The following NFATC2 variants were observed in gnomAD, a reference collection of about 807,000 sequenced individuals.
NFATC2 encodes the protein nuclear factor of activated T-cells, cytoplasmic 2.
In NFATC2, 22 loss-of-function variants were observed where a neutral mutation model predicts 87.3. That is an observed-to-expected ratio of 0.25 (90% confidence interval 0.18 to 0.36). The LOEUF (loss-of-function observed/expected upper bound fraction) is 0.36. NFATC2 is among the 10% of genes least tolerant of loss of function. The probability of loss-of-function intolerance (pLI) is 1.00; values close to 1 mark genes in which losing one functional copy is unlikely to be tolerated. For synonymous variants in NFATC2, 565 were observed against 542.2 expected, an observed-to-expected ratio of 1.04 and a Z score of -0.58; for missense variants, 1,149 against 1,259.1, an observed-to-expected ratio of 0.91 and a Z score of 1.32.
rs3029278 is a variant in NFATC2, at chr20:51,437,112, C to CAA, written c.1850-1353_1850-1352dup. 1.6e-3 allele frequency among the ~76,000 whole-genome samples: 212 copies of CAA among 130,740 alleles called. 3 individuals are homozygous for CAA. Among genetic ancestry groups the CAA allele is most frequent in the African/African-American group, 6.1e-3 (199 of 32,750 alleles). The allele number at this position is 130,740 out of a possible 152,430, so 85.8% of individuals were successfully genotyped here. A position where few individuals can be genotyped will look rare whatever the true frequency, so the allele number is the denominator to read the frequency against. ...CCAGTTTGGGGCCAAGAAGTTGGGC[C>CAA]AAAAAAAAAAAAAAAAAAACCCTGC... is the stretch of plus-strand genomic sequence containing the variant. On this transcript the variant is annotated intron_variant, in intron 6 of 10. Coordinates refer to ENST00000371564, the MANE Select transcript of NFATC2 (RefSeq NM_012340.5).
chr20:51,405,669 CCTCATCTCT>C (rs1192605418), intron 9 of NFATC2, among the ~76,000 whole-genome samples: 2 of 152,146 alleles, frequency 1.3e-5, no homozygotes, highest in African/African-American at 4.8e-5. Context: ...AAGGCACAGA[CCTCATCTCT>C]CTCATCTACT....
chr20:51,423,278 A>G (rs1240770398), intron 9 of NFATC2, among the ~76,000 whole-genome samples: 1 of 119,490 alleles, frequency 8.4e-6, no homozygotes, highest in Non-Finnish European at 1.6e-5. Context: ...TGACAGAGTG[A>G]GAGACCCTCT....
intron 9 of NFATC2, among the ~76,000 whole-genome samples, chr20:51,407,311 G>T (rs753167299): frequency 6.6e-6 from 1 of 152,088 alleles, no homozygotes; most frequent in Non-Finnish European, 1.5e-5. Context: ...CAGAACACTT[G>T]GCACCCCCAG....
chr20:51,470,678 T>C (rs1350144345), intron 5 of NFATC2, among the ~76,000 whole-genome samples: 1 of 152,232 alleles, frequency 6.6e-6, no homozygotes, highest in African/African-American at 2.4e-5. Flanking sequence ...AAGGGTATAC[T>C]GTCATTAGTA....
intron 1 of NFATC2, among the ~76,000 whole-genome samples, chr20:51,549,674 G>A (rs2076917168): frequency 6.6e-6 from 1 of 152,212 alleles, no homozygotes; most frequent in Non-Finnish European, 1.5e-5. Context: ...TTCTCTGTCT[G>A]TAAAATGGGA....
At chr20:51,429,475 G>A (rs1568963198) in intron 9 of NFATC2, among the ~76,000 whole-genome samples, 1 of 152,244 alleles carries the variant, frequency 6.6e-6, no homozygotes, top group Non-Finnish European at 1.5e-5. Flanking sequence ...CAGGGGACAG[G>A]GCAGTGCTGC....
At chr20:51,498,260 A>G (rs1319524280) in intron 3 of NFATC2, among the ~76,000 whole-genome samples, 1 of 152,182 alleles carries the variant, frequency 6.6e-6, no homozygotes, top group African/African-American at 2.4e-5. Context: ...TGTTCATCTG[A>G]GAGGCCAGAC....
intron 3 of NFATC2, among the ~76,000 whole-genome samples, chr20:51,483,265 A>G (rs940373724): frequency 6.6e-6 from 1 of 152,188 alleles, no homozygotes; most frequent in African/African-American, 2.4e-5. Flanking sequence ...GACGATTCCA[A>G]TCCAAAATGT....
intron 9 of NFATC2, among the ~76,000 whole-genome samples, chr20:51,402,000 G>A (rs1002108314): frequency 3.9e-5 from 6 of 152,216 alleles, no homozygotes; most frequent in Admixed American, 1.3e-4. Context: ...GTGCATCTCC[G>A]TGGTGGAACC....
chr20:51,510,961 G>A (rs1270470178), intron 3 of NFATC2, among the ~76,000 whole-genome samples: 1 of 152,160 alleles, frequency 6.6e-6, no homozygotes, highest in African/African-American at 2.4e-5. Flanking sequence ...GTGAACTGAA[G>A]CATATTTGCC....
At chr20:51,398,602 A>C in intron 10 of NFATC2, 41 bp downstream of exon 10, 18 of 1,453,604 alleles carry the variant, frequency 1.2e-5, no homozygotes, top group Non-Finnish European at 1.7e-5. Context: ...AAGGAAACAC[A>C]CAGCTGGAAA....
chr20:51,551,499 G>T (rs953714998), intron 1 of NFATC2, among the ~76,000 whole-genome samples: 2 of 151,632 alleles, frequency 1.3e-5, no homozygotes, highest in Non-Finnish European at 2.9e-5. Context: ...AACCTCCCCA[G>T]CTCAGATGAT....
At chr20:51,391,623 G>A (rs1196801441) in intron 10 of NFATC2, among the ~76,000 whole-genome samples, 172 bp from the exon 11 acceptor site, 1 of 143,186 alleles carries the variant, frequency 7.0e-6, no homozygotes, top group Non-Finnish European at 1.5e-5. Context: ...GCTCCTTGCA[G>A]CCTCAGCCTC....
intron 6 of NFATC2, among the ~76,000 whole-genome samples, chr20:51,454,162 A>T (rs71351230): frequency 2.6e-5 from 4 of 152,198 alleles, no homozygotes; most frequent in Non-Finnish European, 1.5e-5. Context: ...CAGATAACAA[A>T]CCCAGAATTT....
chr20:51,523,684 T>C lies in NFATC2; in HGVS notation c.557A>G (p.Tyr186Cys). ...ASFISDTFSPYTSPCVSPNNG... is the reference protein window; with the variant it reads ...ASFISDTFSPCTSPCVSPNNG... ...ATTGGGCGAGACGCAGGGCGAGGTG[T>C]AGGGGGAGAAGGTGTCAGAAATGAA... The change falls in exon 2 of 11, where the codon TAC becomes TGC. Residue 186 changes from tyrosine (Y) to cysteine (C), a missense_variant. By Grantham distance (194) the Tyr-to-Cys change is radical. Transcript: ENST00000371564. The surrounding 1 kb of genome is among the most constrained non-coding windows in gnomAD (Gnocchi z 6.9). The C allele has an allele frequency of 1.9e-6, 3 of 1,613,318 alleles. No homozygotes were observed. The highest frequency in any genetic ancestry group is 2.5e-6 in the Non-Finnish European group (3 of 1,179,654).
In NFATC2 at chr20:51,454,574, T is replaced by C. The variant is rs1444225401; in HGVS notation, c.1823A>G (p.Lys608Arg). 1 of 1,614,030 alleles carries C rather than the reference T, an allele frequency of 6.2e-7. No individual in the cohort carries two copies. The highest frequency in any genetic ancestry group is 8.5e-7 in the Non-Finnish European group (1 of 1,180,002). The change falls in exon 6 of 11, where the codon AAA (lysine) becomes AGA (arginine). Residue 608 changes from lysine (K) to arginine (R), a missense_variant. Lys to Arg is a conservative substitution (Grantham distance 26). This residue lies in a region of NFATC2 where 581 missense variants were observed against 649.7 expected (regional missense o/e 0.89). Coordinates refer to ENST00000371564, the MANE Select transcript of NFATC2 (RefSeq NM_012340.5). ...TGTGGTCTTCTCAGTAAACACAACT[T>C]TGGACTCGGATGTAAAGTTCTGCCC... ...LTGQNFTSES[K>R]VVFTEKTTDG...
chr20:51,431,036 G>C (rs944995098), intron 9 of NFATC2, among the ~76,000 whole-genome samples: 2 of 152,096 alleles, frequency 1.3e-5, no homozygotes, highest in African/African-American at 4.8e-5. Flanking sequence ...CAGTGTCATG[G>C]GCTTTGCAAC....
At chr20:51,515,729 A>G (rs2076341109) in intron 3 of NFATC2, among the ~76,000 whole-genome samples, 2 of 151,340 alleles carry the variant, frequency 1.3e-5, no homozygotes, top group African/African-American at 4.8e-5. Flanking sequence ...AGTTCTTAAT[A>G]TTATCATAGA....
At chr20:51,438,702 C>T (rs1421063683) in intron 6 of NFATC2, among the ~76,000 whole-genome samples, 1 of 152,166 alleles carries the variant, frequency 6.6e-6, no homozygotes, top group Non-Finnish European at 1.5e-5. Flanking sequence ...AAGAAGGAGA[C>T]CTTTTCCCAC....
Sources: gnomAD v4.1 joint callset for allele counts (sites outside exome capture counted in the v4.1 genomes callset) on GRCh38, gnomAD v4.1.1 for gene constraint, gnomAD v4.1.1 regional missense constraint, Gnocchi (gnomAD v3.1) non-coding constraint, MANE v1.5 for transcripts, NCBI Gene and HGNC (gene_info 2026-07-23, HGNC 2026-07-21) for gene names.